Variants in OXSR1 observed in about 807,000 individuals in gnomAD.
OXSR1 encodes oxidative stress responsive kinase 1, also known as serine/threonine-protein kinase OSR1.
In OXSR1, 24 loss-of-function variants were observed where a neutral mutation model predicts 79.8. The ratio of observed to expected loss-of-function variants is 0.30; its 90% CI spans 0.22 to 0.42. The LOEUF (loss-of-function observed/expected upper bound fraction) is 0.42. Among genes scored for constraint, OXSR1 ranks in the 10% least tolerant of loss-of-function variants. The probability of loss-of-function intolerance (pLI) is 1.00; values close to 1 mark genes in which losing one functional copy is unlikely to be tolerated. For missense variants in OXSR1, 430 were observed against 618.4 expected, an observed-to-expected ratio of 0.70 and a Z score of 3.23; for synonymous variants, 226 against 209.2, an observed-to-expected ratio of 1.08 and a Z score of -0.69.
chr3:38,186,994 C>T (rs1302995796), intron 2 of OXSR1, among the ~76,000 whole-genome samples: 2 of 152,086 alleles, frequency 1.3e-5, no homozygotes, highest in Non-Finnish European at 2.9e-5. Context: ...CTTTTTTTGT[C>T]ATAGCCATCC....
chr3:38,235,303 A>C (rs1702897530), intron 10 of OXSR1, among the ~76,000 whole-genome samples: 1 of 152,192 alleles, frequency 6.6e-6, no homozygotes, highest in African/African-American at 2.4e-5. Context: ...TTGGAAATTG[A>C]AAACAGAAGA....
intron 2 of OXSR1, among the ~76,000 whole-genome samples, chr3:38,190,062 T>G (rs1011610418): frequency 6.6e-6 from 1 of 152,092 alleles, no homozygotes; most frequent in African/African-American, 2.4e-5. Flanking sequence ...GCAGAGATGA[T>G]AGGGGAAGTG....
intron 2 of OXSR1, among the ~76,000 whole-genome samples, chr3:38,184,782 A>G (rs1701848440): frequency 6.6e-6 from 1 of 152,044 alleles, no homozygotes; most frequent in Admixed American, 6.6e-5. Context: ...AGTAAATCAT[A>G]TAATAAGTGA....
At chr3:38,204,590 A>G (rs1163513496) in intron 4 of OXSR1, among the ~76,000 whole-genome samples, 1 of 151,576 alleles carries the variant, frequency 6.6e-6, no homozygotes, top group Non-Finnish European at 1.5e-5. Flanking sequence ...CTTTAAGGCA[A>G]TGAGTTCCCT....
intron 8 of OXSR1, among the ~76,000 whole-genome samples, chr3:38,227,587 A>AC (rs60740924): frequency 2.0e-5 from 3 of 149,778 alleles, no homozygotes; most frequent in East Asian, 1.9e-4. Flanking sequence ...ACACACACAC[A>AC]AATGTACGTA....
At chr3:38,247,523 C>G in intron 13 of OXSR1, 145 bp from the exon 14 acceptor site, 1 of 559,270 alleles carries the variant, frequency 1.8e-6, no homozygotes, top group South Asian at 2.6e-5. Context: ...CCTCCTCCAG[C>G]AGGGAATGTC....
intron 3 of OXSR1, among the ~76,000 whole-genome samples, chr3:38,191,292 C>A (rs1017236707): frequency 6.6e-6 from 1 of 151,842 alleles, no homozygotes; most frequent in African/African-American, 2.4e-5. Context: ...GTCTTAACTC[C>A]TGTCTTCAAG....
chr3:38,231,117 T>C (rs1575359665), intron 10 of OXSR1, among the ~76,000 whole-genome samples: 1 of 152,338 alleles, frequency 6.6e-6, no homozygotes, highest in East Asian at 1.9e-4. Flanking sequence ...AAGCATTATG[T>C]CTAGCAGTGG....
chr3:38,242,004 GT>G (rs908911243), intron 11 of OXSR1, among the ~76,000 whole-genome samples: 3 of 151,612 alleles, frequency 2.0e-5, no homozygotes, highest in Non-Finnish European at 4.4e-5. Context: ...TTAGAGGTAA[GT>G]TTTTTGGTAA....
intron 17 of OXSR1, 66 bp from the exon 18 acceptor site, chr3:38,252,751 G>C: frequency 7.6e-7 from 1 of 1,319,040 alleles, no homozygotes. Flanking sequence ...TCCCATGTCT[G>C]TTTTATTTGC....
chr3:38,250,948 T>C (rs765979875), intron 15 of OXSR1, among the ~76,000 whole-genome samples: 1 of 152,134 alleles, frequency 6.6e-6, no homozygotes, highest in Non-Finnish European at 1.5e-5. Context: ...TTATACCCAT[T>C]GCTCAGATTG....
chr3:38,226,947 A>G lies in OXSR1; in HGVS notation c.836+2243A>G, dbSNP rs114550775. Among the ~76,000 whole-genome samples, 698 of 152,220 alleles carry G rather than the reference A, an allele frequency of 4.6e-3. 4 individuals carry two copies. The highest frequency in any genetic ancestry group is 5.9e-3 in the Non-Finnish European group (402 of 68,014). ...TGATATTTTAGTTGATTTCTTTATT[A>G]TTATACTGTGGTTATGTAAAAGGTT... On this transcript the variant is annotated intron_variant, in intron 8 of 17. Transcript: ENST00000311806.
intron 3 of OXSR1, chr3:38,193,405 T>G (rs756825089): frequency 1.2e-5 from 15 of 1,287,384 alleles, no homozygotes; most frequent in Non-Finnish European, 1.3e-5. Context: ...TATGGAGAGA[T>G]ATGGGAGTAT....
chr3:38,215,471 A>G (rs979423705), intron 4 of OXSR1, among the ~76,000 whole-genome samples: 1 of 152,148 alleles, frequency 6.6e-6, no homozygotes, highest in African/African-American at 2.4e-5. Flanking sequence ...ATTTGAATGG[A>G]TAGTATAATA....
chr3:38,196,042 G>C (rs1399151244), intron 3 of OXSR1, among the ~76,000 whole-genome samples: 1 of 152,098 alleles, frequency 6.6e-6, no homozygotes, highest in Admixed American at 6.6e-5. Flanking sequence ...CAGTTCTCTT[G>C]AATGACTGTC....
Position 38,254,170 on chromosome 3 carries a change from G to C in OXSR1, c.*1279G>C, listed in dbSNP as rs868797681. Reference sequence around the variant, plus strand: ...GGGATACTCAATCTGGCCTTAAAAAGATACACAAAGATGGGCTGTGGGTCC... The same window carrying C: ...GGGATACTCAATCTGGCCTTAAAAACATACACAAAGATGGGCTGTGGGTCC... On this transcript the variant is annotated 3_prime_UTR_variant, in exon 18 of 18. Coordinates refer to ENST00000311806, the MANE Select transcript of OXSR1 (RefSeq NM_005109.3). The C allele has an allele frequency of 1.5e-5, 6 of 398,684 alleles. No homozygotes were observed. The highest frequency in any genetic ancestry group is 4.4e-5 in the Admixed American group (1 of 22,714). The allele number at this position is 398,684 out of a possible 1,614,324, so 24.7% of individuals were successfully genotyped here.
rs1375414528 is a variant in OXSR1 at position 38,254,805 on chromosome 3, G to C, written c.*1914G>C. ...ACTCTGTTCTAGCATTCTTTGTGGAGATGGTCTGGTGCCTAGCTGGGAGTG... is the reference window on the plus strand; with the variant it reads ...ACTCTGTTCTAGCATTCTTTGTGGACATGGTCTGGTGCCTAGCTGGGAGTG... On this transcript the variant is annotated 3_prime_UTR_variant, in exon 18 of 18. Coordinates refer to ENST00000311806, the MANE Select transcript of OXSR1 (RefSeq NM_005109.3). 1 of 152,194 alleles carries C rather than the reference G, an allele frequency of 6.6e-6. No homozygotes were observed. The highest frequency in any genetic ancestry group is 1.5e-5 in the Non-Finnish European group (1 of 67,976). The allele number at this position is 152,194 out of a possible 1,614,324, so 9.4% of individuals were successfully genotyped here.
At chr3:38,239,096 A>G (rs1195259693) in intron 11 of OXSR1, among the ~76,000 whole-genome samples, 2 of 152,162 alleles carry the variant, frequency 1.3e-5, no homozygotes, top group Admixed American at 6.6e-5. Context: ...CAGGCATTGT[A>G]GTAGTCTAGA....
chr3:38,253,530 G>C lies in OXSR1; in HGVS notation c.*639G>C, dbSNP rs1290098417. ...CTTCTTCATTGCTCTCTCCAGAAAG[G>C]GTTGCTAGCCTTAACTTCAGCTGGT... On this transcript the variant is annotated 3_prime_UTR_variant, in exon 18 of 18. Coordinates refer to ENST00000311806, the MANE Select transcript of OXSR1 (RefSeq NM_005109.3). The C allele has an allele frequency of 6.6e-6, 1 of 152,584 alleles. No individual in the cohort carries two copies. The highest frequency in any genetic ancestry group is 1.5e-5 in the Non-Finnish European group (1 of 68,068). The allele number at this position is 152,584 out of a possible 1,614,324, so 9.5% of individuals were successfully genotyped here.
Sources: allele counts gnomAD v4.1 joint callset (sites outside exome capture counted in the v4.1 genomes callset), GRCh38; gene constraint gnomAD v4.1.1; transcripts MANE v1.5; gene names NCBI Gene and HGNC (gene_info 2026-07-23, HGNC 2026-07-21).